Variants in MGA observed in about 807,000 individuals in gnomAD.
MGA encodes the protein MAX gene-associated protein.
Under a neutral mutation model 261.1 loss-of-function variants are expected in MGA, and 40 were observed. The ratio of observed to expected loss-of-function variants is 0.15; its 90% CI spans 0.12 to 0.20. The LOEUF (loss-of-function observed/expected upper bound fraction) is 0.20, where lower values mean the gene tolerates loss of function less well. MGA is among the 10% of genes least tolerant of loss of function. MGA has a pLI of 1.00. For missense variants in MGA, 3,397 were observed against 3,630.5 expected (o/e 0.94, Z 1.65); for synonymous variants, 1,302 against 1,290.6 (o/e 1.01, Z -0.19).
At position 41,743,105 on chromosome 15, in the gene MGA, A is replaced by G; in HGVS notation, c.5145A>G (p.Ser1715=). Residue 1715 remains serine (S), a synonymous_variant, in exon 15 of 24, where the codon TCA becomes TCG. Coordinates refer to ENST00000219905, the MANE Select transcript of MGA (RefSeq NM_001164273.2). Reference sequence around the variant, plus strand: ...CCTCCATGGTGACCACACCAACTTCATCTCTGGGCTCTGTTCCTATTATAC... The same window carrying G: ...CCTCCATGGTGACCACACCAACTTCGTCTCTGGGCTCTGTTCCTATTATAC... 5 of 1,613,802 alleles carry G rather than the reference A, an allele frequency of 3.1e-6. No homozygotes were observed. Among genetic ancestry groups the G allele is most frequent in the Non-Finnish European group, 4.2e-6 (5 of 1,179,818 alleles).
chr15:41,750,200 A>G lies in MGA; in HGVS notation c.6593A>G (p.Asp2198Gly). 4.3e-6 allele frequency: 7 copies of G among 1,613,960 alleles called. No individual in the cohort carries two copies. The highest frequency in any genetic ancestry group is 5.9e-6 in the Non-Finnish European group (7 of 1,179,896). ...TCACAGGAATGTAAGAAAGAGGCAG[A>G]CGAGCAGTTAATTAAAGAAACAAAG... The change falls in exon 17 of 24, where the codon GAC (aspartate) becomes GGC (glycine). Residue 2198 changes from aspartate (D) to glycine (G), a missense_variant. Around this residue, in one of 9 missense-constraint regions of MGA, gnomAD observed 1,410 missense variants for 1,386.4 expected, o/e 1.02. Coordinates refer to ENST00000219905, the MANE Select transcript of MGA (RefSeq NM_001164273.2).
intron 2 of MGA, among the ~76,000 whole-genome samples, chr15:41,687,030 T>C (rs1017388865): frequency 1.3e-5 from 2 of 151,696 alleles, no homozygotes; most frequent in African/African-American, 4.9e-5. Context: ...GCAAGATTGC[T>C]GTTTTTTTTT....
At chr15:41,745,787 G>A (rs879563164) in intron 15 of MGA, among the ~76,000 whole-genome samples, 2 of 151,974 alleles carry the variant, frequency 1.3e-5, no homozygotes, top group Non-Finnish European at 2.9e-5. Context: ...TTGATTTTCA[G>A]TAGAGGCGAG....
intron 2 of MGA, among the ~76,000 whole-genome samples, chr15:41,686,537 A>G (rs192672939): frequency 1.3e-5 from 2 of 149,924 alleles, no homozygotes; most frequent in Non-Finnish European, 3.0e-5. Context: ...TAAAAAAAAA[A>G]TTTTTTTTTT....
At position 41,729,085 on chromosome 15, in the gene MGA, G is replaced by T. The variant is rs1158514230; in HGVS notation, c.3658-79G>T. 6.4e-6 allele frequency: 9 copies of T among 1,398,362 alleles called. No homozygotes were observed. In the East Asian group the frequency reaches 1.2e-4, roughly 19 times the overall value. The allele number at this position is 1,398,362 out of a possible 1,614,324, so 86.6% of individuals were successfully genotyped here. A position where few individuals can be genotyped will look rare whatever the true frequency, so the allele number is the denominator to read the frequency against. On this transcript the variant is annotated intron_variant, in intron 10 of 23. Coordinates refer to ENST00000219905, the MANE Select transcript of MGA (RefSeq NM_001164273.2). ...TTTCGACTGTTGTAATACAAAAAAA[G>T]ATTAAACATTCGTTTTGTTTTGGAG...
At chr15:41,732,987 C>T (rs566496125) in intron 11 of MGA, among the ~76,000 whole-genome samples, 198 of 152,232 alleles carry the variant, frequency 1.3e-3, no homozygotes, top group African/African-American at 4.6e-3. Context: ...AAGACGGAGT[C>T]TCGCTCAGCC....
intron 22 of MGA, among the ~76,000 whole-genome samples, chr15:41,763,526 C>G (rs909431112): frequency 4.0e-5 from 6 of 151,378 alleles, no homozygotes; most frequent in African/African-American, 1.5e-4. Context: ...GGCAGATCAC[C>G]TGAGGTTGGG....
At chr15:41,723,023 G>T (rs989655381) in intron 9 of MGA, among the ~76,000 whole-genome samples, 11 of 152,204 alleles carry the variant, frequency 7.2e-5, no homozygotes, top group Non-Finnish European at 1.3e-4. Flanking sequence ...AAAGCTAGGG[G>T]ACTTGGGTAA....
intron 13 of MGA, among the ~76,000 whole-genome samples, chr15:41,738,416 ATGAT>A (rs1007435886): frequency 6.1e-4 from 93 of 152,334 alleles, no homozygotes; most frequent in African/African-American, 2.1e-3. Flanking sequence ...TAATATTAAT[ATGAT>A]TGATCTACTT....
At chr15:41,632,991 G>A (rs564285694) in intron 1 of MGA, among the ~76,000 whole-genome samples, 45 of 149,584 alleles carry the variant, frequency 3.0e-4, no homozygotes, top group Admixed American at 5.3e-4. Flanking sequence ...TCGCTCTGTC[G>A]CCCAGGCTGG....
chr15:41,697,919 A>C (rs1003534730), intron 3 of MGA, among the ~76,000 whole-genome samples: 2 of 152,008 alleles, frequency 1.3e-5, no homozygotes, highest in African/African-American at 4.8e-5. Flanking sequence ...CTCATGCTGG[A>C]GTGCAGTAGC....
chr15:41,658,114 G>C (rs1016791549), upstream of MGA, among the ~76,000 whole-genome samples: 17 of 152,116 alleles, frequency 1.1e-4, no homozygotes, highest in African/African-American at 3.9e-4. Context: ...TACATTCTAG[G>C]CCAGACTGTT....
chr15:41,700,600 T>A lies in MGA; in HGVS notation c.2188+1441T>A, dbSNP rs1331130258. 4.6e-5 allele frequency among the ~76,000 whole-genome samples: 7 copies of A among 152,304 alleles called. 1 individual carries two copies. In the East Asian group the frequency reaches 1.4e-3, roughly 29 times the overall value. ...TCATTCTTTTTTATGGCTGCAGTTT[T>A]CATTTTTATCTTTATTTTATTGTAA... On this transcript the variant is annotated intron_variant, in intron 5 of 23. Transcript: ENST00000219905.
At chr15:41,657,879 A>C (rs1282148068), upstream of MGA, among the ~76,000 whole-genome samples, 1 of 152,030 alleles carries the variant, frequency 6.6e-6, no homozygotes, top group East Asian at 1.9e-4. Context: ...AAAGGATTGG[A>C]TCTGAATAGA....
At chr15:41,680,334 T>C (rs1378897700) in intron 2 of MGA, among the ~76,000 whole-genome samples, 2 of 152,242 alleles carry the variant, frequency 1.3e-5, no homozygotes, top group Non-Finnish European at 1.5e-5. Flanking sequence ...ACTTAACTTT[T>C]CAGAGGTACA....
At chr15:41,650,421 ATGCTTCTATAGT>A (rs1479817807) in intron 1 of MGA, among the ~76,000 whole-genome samples, 52 of 151,984 alleles carry the variant, frequency 3.4e-4, no homozygotes, top group African/African-American at 1.1e-3. Context: ...TCCTACCACT[ATGCTTCTATAGT>A]TTTTCTTAAT....
intron 14 of MGA, among the ~76,000 whole-genome samples, chr15:41,741,734 C>G: frequency 6.6e-6 from 1 of 152,050 alleles, no homozygotes. Flanking sequence ...TCTTTCAAGA[C>G]AGAGTCTTGC....
At chr15:41,675,148 G>A (rs535746063) in intron 2 of MGA, among the ~76,000 whole-genome samples, 1 of 152,202 alleles carries the variant, frequency 6.6e-6, no homozygotes, top group African/African-American at 2.4e-5. Context: ...GTTTCTTTTT[G>A]TTACATGTCT....
At chr15:41,699,298 C>A in intron 5 of MGA, 139 bp downstream of exon 5, 1 of 606,318 alleles carries the variant, frequency 1.6e-6, no homozygotes, top group South Asian at 2.5e-5. Flanking sequence ...TCATTTCTTT[C>A]AGCACGTCTT....
Sources: gnomAD v4.1 joint callset for allele counts (sites outside exome capture counted in the v4.1 genomes callset) on GRCh38, gnomAD v4.1.1 for gene constraint, gnomAD v4.1.1 regional missense constraint, MANE v1.5 for transcripts, NCBI Gene and HGNC (gene_info 2026-07-23, HGNC 2026-07-21) for gene names.